Variants in SETD3 observed in about 807,000 individuals in gnomAD.
SETD3 encodes actin-histidine N-methyltransferase.
In SETD3, 19 loss-of-function variants were observed where a neutral mutation model predicts 63.0. The observed-to-expected ratio is 0.30, with a 90% CI of 0.21 to 0.44. SETD3 has a LOEUF of 0.44. SETD3 is among the 20% of genes least tolerant of loss of function. The pLI, the probability that SETD3 is intolerant of heterozygous loss-of-function variation, is 1.00. For missense variants in SETD3, 587 were observed against 728.5 expected, an observed-to-expected ratio of 0.81 and a Z score of 2.24; for synonymous variants, 286 against 264.1, an observed-to-expected ratio of 1.08 and a Z score of -0.80.
At chr14:99,484,756 A>G (rs1227343832), upstream of SETD3, among the ~76,000 whole-genome samples, 4 of 152,240 alleles carry the variant, frequency 2.6e-5, no homozygotes, top group African/African-American at 4.8e-5. Context: ...GGTTTCATTG[A>G]TAAGTGGCCA....
At chr14:99,410,326 A>T in intron 8 of SETD3, 1 of 1,429,948 alleles carries the variant, frequency 7.0e-7, no homozygotes, top group Non-Finnish European at 9.7e-7. Context: ...GGCTTTTGAG[A>T]CTGTAAGACT....
chr14:99,480,099 G>T (rs933289854), intron 1 of SETD3, among the ~76,000 whole-genome samples: 1 of 152,216 alleles, frequency 6.6e-6, no homozygotes, highest in Non-Finnish European at 1.5e-5. Context: ...CGCGTGGGAA[G>T]AAAGACGACC....
chr14:99,428,192 A>G (rs1892987757), intron 6 of SETD3, among the ~76,000 whole-genome samples: 1 of 152,232 alleles, frequency 6.6e-6, no homozygotes, highest in Admixed American at 6.5e-5. Flanking sequence ...CTGTTACTTC[A>G]CATGTAAAAT....
rs753930722 is a variant in SETD3 at position 99,458,528 on chromosome 14, T to C, written c.426A>G (p.Leu142=). ...ESAKNSVLGP[L]YSQDRILQAM... Reference sequence around the variant, plus strand: ...CTTGAAGGATTCGGTCTTGAGAATATAAGGGCCCTGAATTAACCCAGAAGT... The same window carrying C: ...CTTGAAGGATTCGGTCTTGAGAATACAAGGGCCCTGAATTAACCCAGAAGT... Residue 142 remains leucine (L), a synonymous_variant, in exon 6 of 13, where the codon TTA becomes TTG. Coordinates refer to ENST00000331768, the MANE Select transcript of SETD3 (RefSeq NM_032233.3). The C allele has an allele frequency of 2.4e-5, 39 of 1,613,758 alleles. No individual in the cohort carries two copies. The highest frequency in any genetic ancestry group is 3.1e-5 in the Non-Finnish European group (37 of 1,179,890).
At chr14:99,484,686 T>A (rs1367582005), upstream of SETD3, among the ~76,000 whole-genome samples, 1 of 152,164 alleles carries the variant, frequency 6.6e-6, no homozygotes, top group Non-Finnish European at 1.5e-5. Context: ...AATACAGGAA[T>A]TATGTGAACA....
intron 6 of SETD3, among the ~76,000 whole-genome samples, chr14:99,445,085 T>C (rs1894058340): frequency 6.6e-6 from 1 of 152,176 alleles, no homozygotes; most frequent in Non-Finnish European, 1.5e-5. Context: ...TAATATGCGA[T>C]GCAAATGCAG....
At position 99,480,836 on chromosome 14, in the gene SETD3, A is replaced by G. The variant is rs1896274180; in HGVS notation, c.-117T>C. The G allele has an allele frequency of 1.2e-5, 2 of 161,094 alleles. No homozygotes were observed. Among genetic ancestry groups the G allele is most frequent in the Non-Finnish European group, 1.3e-5 (1 of 76,322 alleles). The allele number at this position is 161,094 out of a possible 1,614,324, so 10.0% of individuals were successfully genotyped here. The stretch of plus-strand genomic sequence containing the variant: ...CGGCGGTGGCGGCGGCGGCGGCCGG[A>G]CGGGAGGGGCGGGACGGCAGCCTGA... On this transcript the variant is annotated 5_prime_UTR_variant, in exon 1 of 13. Transcript: ENST00000331768.
At chr14:99,467,136 T>C (rs1348206699) in intron 1 of SETD3, among the ~76,000 whole-genome samples, 2 of 152,240 alleles carry the variant, frequency 1.3e-5, no homozygotes, top group Non-Finnish European at 2.9e-5. Context: ...CTAACGTGTG[T>C]ATCTTCTCTT....
Position 99,442,526 on chromosome 14 carries a change from G to A in SETD3, c.675+15753C>T, listed in dbSNP as rs144123362. 3.1e-3 allele frequency among the ~76,000 whole-genome samples: 469 copies of A among 152,302 alleles called. 3 individuals are homozygous for A. The highest frequency in any genetic ancestry group is 0.011 in the African/African-American group (451 of 41,566). ...TTCCAGATCTGCCACTCCTGAGACA[G>A]CAAGACCCACCCCTTCTCCTCTTAC... On this transcript the variant is annotated intron_variant, in intron 6 of 12. Coordinates refer to ENST00000331768, the MANE Select transcript of SETD3 (RefSeq NM_032233.3).
chr14:99,419,916 GA>G (rs1394669241), intron 6 of SETD3, among the ~76,000 whole-genome samples: 3 of 152,022 alleles, frequency 2.0e-5, no homozygotes, highest in Non-Finnish European at 4.4e-5. Flanking sequence ...TATTGACTTA[GA>G]AAAAAAGATG....
chr14:99,403,973 T>TA (rs1891542038), intron 11 of SETD3, among the ~76,000 whole-genome samples: 3 of 152,232 alleles, frequency 2.0e-5, no homozygotes, highest in Non-Finnish European at 4.4e-5. Context: ...CAAGATGTTT[T>TA]AAGTTTTCTT....
At chr14:99,447,671 A>C (rs1336150431) in intron 6 of SETD3, among the ~76,000 whole-genome samples, 1 of 152,238 alleles carries the variant, frequency 6.6e-6, no homozygotes, top group East Asian at 1.9e-4. Flanking sequence ...GAGAACAGGC[A>C]AGCCTGGACT....
intron 6 of SETD3, among the ~76,000 whole-genome samples, chr14:99,433,325 C>T (rs1325976330): frequency 6.6e-6 from 1 of 152,124 alleles, no homozygotes; most frequent in Non-Finnish European, 1.5e-5. Flanking sequence ...CCCCAAAATA[C>T]ACACTGGATT....
chr14:99,400,301 A>C, intron 11 of SETD3, 42 bp from the exon 12 acceptor site: 2 of 1,566,696 alleles, frequency 1.3e-6, no homozygotes, highest in Non-Finnish European at 1.7e-6. Context: ...AGGAAAACAT[A>C]GCACTCCTCA....
At chr14:99,469,122 T>C (rs1428918817) in intron 1 of SETD3, among the ~76,000 whole-genome samples, 1 of 152,252 alleles carries the variant, frequency 6.6e-6, no homozygotes, top group Non-Finnish European at 1.5e-5. Flanking sequence ...AATTCTACAG[T>C]CGAGTACTTG....
rs1014440236 is a variant in SETD3 at position 99,426,761 on chromosome 14, G to C, written c.676-12827C>G. 6.6e-5 allele frequency among the ~76,000 whole-genome samples: 10 copies of C among 152,234 alleles called. No homozygotes were observed. In the East Asian group the frequency reaches 7.7e-4, roughly 12 times the overall value. ...TATTTTTTAAGGTGTCCTCTCCCAGGGGGGAGCATATTTAAATTCACACCA... is the reference window on the plus strand; with the variant it reads ...TATTTTTTAAGGTGTCCTCTCCCAGCGGGGAGCATATTTAAATTCACACCA... On this transcript the variant is annotated intron_variant, in intron 6 of 12. Coordinates refer to ENST00000331768, the MANE Select transcript of SETD3 (RefSeq NM_032233.3).
rs766731901 is a variant in SETD3 at position 99,398,812 on chromosome 14, C to T, written c.1652G>A (p.Gly551Glu). ...AISKAKATEN[G>E]LVNGENSIPN... ...GATAGAGTTTTCACCGTTTACAAGC[C>T]CGTTTTCTGTGGCCTTTGCTTTGCT... The change falls in exon 13 of 13, where the codon GGG (glycine) becomes GAG (glutamate). Residue 551 changes from glycine (G) to glutamate (E), a missense_variant. By Grantham distance (98) the Gly-to-Glu change is moderately conservative (BLOSUM62 -2). Transcript: ENST00000331768. The T allele has an allele frequency of 3.1e-6, 5 of 1,614,184 alleles. No individual in the cohort carries two copies. The East Asian group carries it at 1.1e-4, about 36-fold the overall frequency.
chr14:99,414,863 G>A (rs878901321), intron 6 of SETD3, among the ~76,000 whole-genome samples: 49 of 152,268 alleles, frequency 3.2e-4, no homozygotes, highest in Middle Eastern at 3.4e-3. Context: ...CCGGGTCTCC[G>A]CACCACTTTT....
intron 8 of SETD3, chr14:99,412,686 A>G: frequency 5.9e-6 from 2 of 340,724 alleles, no homozygotes; most frequent in Non-Finnish European, 1.1e-5. Context: ...ATTATGGCTT[A>G]GCAAACACAT....
Sources: allele counts gnomAD v4.1 joint callset (sites outside exome capture counted in the v4.1 genomes callset), GRCh38; gene constraint gnomAD v4.1.1; transcripts MANE v1.5; gene names NCBI Gene and HGNC (gene_info 2026-07-23, HGNC 2026-07-21).